The following USH1C variants were observed in gnomAD, a reference collection of about 807,000 sequenced individuals.
USH1C encodes harmonin.
Under a neutral mutation model 119.3 loss-of-function variants are expected in USH1C, and 90 were observed. The ratio of observed to expected loss-of-function variants is 0.75; its 90% confidence interval spans 0.64 to 0.90. The LOEUF is 0.90. USH1C is among the 40% of genes least tolerant of loss of function. The probability of loss-of-function intolerance (pLI) is 0.00; values close to 1 mark genes in which losing one functional copy is unlikely to be tolerated. For synonymous variants in USH1C, 465 were observed against 443.3 expected (o/e 1.05, Z -0.62); for missense variants, 1,165 against 1,167.7 (o/e 1.00, Z 0.03).
At chr11:17,515,132 A>T (rs1387457490) in intron 15 of USH1C, among the ~76,000 whole-genome samples, 1 of 152,024 alleles carries the variant, frequency 6.6e-6, no homozygotes, top group Non-Finnish European at 1.5e-5. Flanking sequence ...ATAGAGAAGA[A>T]TTAGAAATCT....
chr11:17,514,346 G>A (rs1850039223), intron 15 of USH1C: 2 of 152,258 alleles, frequency 1.3e-5, no homozygotes, highest in Non-Finnish European at 2.9e-5. Flanking sequence ...AGCCTCCCAA[G>A]TAGCTGGGAT....
intron 16 of USH1C, among the ~76,000 whole-genome samples, chr11:17,511,524 G>T (rs1337852923): frequency 6.6e-6 from 1 of 152,140 alleles, no homozygotes; most frequent in Admixed American, 6.5e-5. Flanking sequence ...CTCTGGTGGG[G>T]TAGAGTGAAG....
rs79878474 is a variant in USH1C, at chr11:17,524,179, T to C, written c.759+272A>G. Among the ~76,000 whole-genome samples the C allele has an allele frequency of 0.17, 26,338 of 152,228 alleles. 2,803 individuals carry two copies. Among genetic ancestry groups the C allele is most frequent in the African/African-American group, 0.29 (12,082 of 41,498 alleles). On this transcript the variant is annotated intron_variant, in intron 9 of 26. Transcript: ENST00000005226. ...AGTGTAAAGGGCATGGAACAATGTC[T>C]GATGCAAGTGGACACTGAAGGTCCG... is the stretch of plus-strand genomic sequence containing the variant.
chr11:17,506,592 C>T (rs1849657908), intron 18 of USH1C, among the ~76,000 whole-genome samples: 1 of 152,230 alleles, frequency 6.6e-6, no homozygotes, highest in Non-Finnish European at 1.5e-5. Flanking sequence ...TCCTTTTCAG[C>T]CTTATCTCTC....
intron 9 of USH1C, 146 bp downstream of exon 9, chr11:17,524,305 T>C: frequency 1.2e-6 from 1 of 854,576 alleles, no homozygotes; most frequent in East Asian, 2.7e-5. Flanking sequence ...TGTGAAGCCT[T>C]CTCTGCAGGG....
chr11:17,499,770 T>C (rs1293060211), intron 23 of USH1C, among the ~76,000 whole-genome samples: 4 of 152,214 alleles, frequency 2.6e-5, no homozygotes, highest in African/African-American at 9.7e-5. Flanking sequence ...TGCCCATACC[T>C]CACCTTAGTA....
Position 17,531,888 on chromosome 11 carries a change from C to A in USH1C, c.105-346G>T, listed in dbSNP as rs1851004459. Reference sequence around the variant, plus strand: ...ACAATTCCTCACACACTCATCATCTCCACTCGTATCTGCTGCTAAGCTCTG... The same window carrying A: ...ACAATTCCTCACACACTCATCATCTACACTCGTATCTGCTGCTAAGCTCTG... On this transcript the variant is annotated intron_variant, in intron 2 of 26. Transcript: ENST00000005226. The surrounding 1 kb of genome is among the most constrained non-coding windows in gnomAD (Gnocchi z 4.2). 6.6e-6 allele frequency among the ~76,000 whole-genome samples: 1 copy of A among 152,204 alleles called. No homozygotes were observed.
At chr11:17,498,330 G>A in intron 23 of USH1C, 59 bp from the exon 24 acceptor site, 1 of 1,529,502 alleles carries the variant, frequency 6.5e-7, no homozygotes, top group Non-Finnish European at 9.1e-7. Flanking sequence ...GCCTGGCCCA[G>A]GGCTTGGCAA....
At position 17,521,394 on chromosome 11, in the gene USH1C, G is replaced by T. The variant is rs774753537; in HGVS notation, c.1037C>A (p.Ala346Asp). The change falls in exon 13 of 27, where the codon GCC (alanine) becomes GAC (aspartate). Residue 346 changes from alanine (A) to aspartate (D), a missense_variant. By Grantham distance (126) the Ala-to-Asp change is moderately radical. Transcript: ENST00000005226. ...CTCATTTTCCTCTGCTGCCTTCTGGGCAATTTCTTTTCTCCTTCTGAAACA... is the reference window on the plus strand; with the variant it reads ...CTCATTTTCCTCTGCTGCCTTCTGGTCAATTTCTTTTCTCCTTCTGAAACA... Reference protein sequence around the residue: ...EMERQRRKEIAQKAAEENERY... With the variant: ...EMERQRRKEIDQKAAEENERY... The T allele has an allele frequency of 1.9e-6, 3 of 1,614,092 alleles. No individual in the cohort carries two copies. Among genetic ancestry groups the T allele is most frequent in the Non-Finnish European group, 8.5e-7 (1 of 1,180,016 alleles).
chr11:17,505,613 G>A (rs1317655024), intron 19 of USH1C, among the ~76,000 whole-genome samples: 2 of 152,238 alleles, frequency 1.3e-5, no homozygotes, highest in East Asian at 1.9e-4. Context: ...GCTCCAGGCT[G>A]TTCAGTCAAG....
At chr11:17,530,042 C>G (rs1224196982) in intron 4 of USH1C, among the ~76,000 whole-genome samples, 1 of 152,202 alleles carries the variant, frequency 6.6e-6, no homozygotes, top group Non-Finnish European at 1.5e-5. Flanking sequence ...ATTTCAGACA[C>G]CACCAGGGAG....
intron 1 of USH1C, among the ~76,000 whole-genome samples, chr11:17,543,690 A>G (rs1330462010): frequency 6.6e-6 from 1 of 151,692 alleles, no homozygotes; most frequent in Non-Finnish European, 1.5e-5. Context: ...CCCAGCTCCG[A>G]CGCCCTCAGT....
At chr11:17,512,255 C>G (rs111756011) in intron 15 of USH1C, among the ~76,000 whole-genome samples, 1 of 152,114 alleles carries the variant, frequency 6.6e-6, no homozygotes, top group African/African-American at 2.4e-5. Context: ...GACACATTCT[C>G]TTTACCAGCC....
intron 8 of USH1C, among the ~76,000 whole-genome samples, chr11:17,525,921 C>G (rs1163789221): frequency 1.3e-5 from 2 of 152,230 alleles, no homozygotes; most frequent in African/African-American, 4.8e-5. Flanking sequence ...AACACCAAGG[C>G]TGGGTGCGGT....
Position 17,511,981 on chromosome 11 carries a change from A to G in USH1C, c.1334T>C (p.Phe445Ser), listed in dbSNP as rs1849912996. The G allele has an allele frequency of 6.2e-7, 1 of 1,614,186 alleles. No homozygotes were observed. The highest frequency in any genetic ancestry group is 8.5e-7 in the Non-Finnish European group (1 of 1,180,026). The change falls in exon 16 of 27, where the codon TTT (phenylalanine) becomes TCT (serine). Residue 445 changes from phenylalanine (F) to serine (S), a missense_variant. Transcript: ENST00000005226. ...TTTCTCTTTGTAAAGCTTTTGCTCA[A>G]ACTCCAGTTCTTTCTTATTCTTTCT... is the stretch of plus-strand genomic sequence containing the variant. ...DLRKNKKELE[F>S]EQKLYKEKEE...
intron 22 of USH1C, 140 bp from the exon 23 acceptor site, chr11:17,501,290 G>C (rs553180744): frequency 1.9e-6 from 2 of 1,036,254 alleles, no homozygotes; most frequent in Admixed American, 2.0e-5. Flanking sequence ...TGGAGAAAAC[G>C]CAGCCTTGGT....
intron 6 of USH1C, 97 bp from the exon 7 acceptor site, chr11:17,526,907 C>T: frequency 6.3e-7 from 1 of 1,579,090 alleles, no homozygotes; most frequent in East Asian, 2.3e-5. Context: ...AGCCTCCAGC[C>T]TCCACTGGCC....
At chr11:17,533,416 C>T (rs1851085948) in intron 1 of USH1C, 94 bp from the exon 2 acceptor site, 10 of 926,668 alleles carry the variant, frequency 1.1e-5, no homozygotes, top group Non-Finnish European at 1.8e-5. Flanking sequence ...AGGGCCTCCC[C>T]AGCAGCTTTT....
At chr11:17,543,943 C>T (rs1265323067) in intron 1 of USH1C, among the ~76,000 whole-genome samples, 2 of 152,202 alleles carry the variant, frequency 1.3e-5, no homozygotes, top group South Asian at 2.1e-4. Flanking sequence ...AGGAGAGGGG[C>T]TTGCCCACAA....
Sources: allele counts gnomAD v4.1 joint callset (sites outside exome capture counted in the v4.1 genomes callset), GRCh38; gene constraint gnomAD v4.1.1; non-coding constraint Gnocchi (gnomAD v3.1); transcripts MANE v1.5; gene names NCBI Gene and HGNC (gene_info 2026-07-23, HGNC 2026-07-21).